The following PLCB1 variants were observed in gnomAD, a reference collection of about 807,000 sequenced individuals.
PLCB1 encodes phospholipase C beta 1.
In PLCB1, 46 loss-of-function variants were observed where a neutral mutation model predicts 161.8. The ratio of observed to expected loss-of-function variants is 0.28; its 90% CI spans 0.22 to 0.36. The LOEUF (loss-of-function observed/expected upper bound fraction) is 0.36, where lower values mean the gene tolerates loss of function less well. Ranked by LOEUF, PLCB1 falls within the 10% of genes least tolerant of loss-of-function variation. The probability of loss-of-function intolerance (pLI) is 1.00; values close to 1 mark genes in which losing one functional copy is unlikely to be tolerated. For missense variants in PLCB1, 1,016 were observed against 1,472.5 expected (o/e 0.69, Z 5.07); for synonymous variants, 517 against 503.7 (o/e 1.03, Z -0.35).
chr20:8,218,166 G>T (rs559078159), intron 2 of PLCB1, among the ~76,000 whole-genome samples: 2 of 152,256 alleles, frequency 1.3e-5, no homozygotes, highest in South Asian at 4.1e-4. Context: ...GGCATGTGCA[G>T]TGAACAAGGC....
At chr20:8,651,368 A>T in intron 7 of PLCB1, 1 of 695,192 alleles carries the variant, frequency 1.4e-6, no homozygotes, top group African/African-American at 1.8e-5. Flanking sequence ...GTGGGTCACA[A>T]GAAAGAAATA....
chr20:8,455,049 T>C (rs1443175405), intron 3 of PLCB1, among the ~76,000 whole-genome samples: 1 of 146,840 alleles, frequency 6.8e-6, no homozygotes, highest in African/African-American at 2.7e-5. Flanking sequence ...TGAGTACTAG[T>C]TGGCCGGGCA....
At chr20:8,736,185 T>TAC (rs1980571980) in intron 19 of PLCB1, among the ~76,000 whole-genome samples, 1 of 152,252 alleles carries the variant, frequency 6.6e-6, no homozygotes. Context: ...CTTCCTGGTA[T>TAC]ACAGCAGAAG....
intron 3 of PLCB1, among the ~76,000 whole-genome samples, chr20:8,511,888 T>C (rs1475424488): frequency 6.6e-6 from 1 of 152,232 alleles, no homozygotes; most frequent in East Asian, 1.9e-4. Context: ...TGTTTTCTGC[T>C]ATAAGATTGT....
At chr20:8,219,568 T>C (rs1045335828) in intron 2 of PLCB1, among the ~76,000 whole-genome samples, 1 of 152,152 alleles carries the variant, frequency 6.6e-6, no homozygotes, top group South Asian at 2.1e-4. Context: ...AAGCTCTAGT[T>C]TGTTGATGTA....
chr20:8,298,113 A>C (rs541581573), intron 2 of PLCB1, among the ~76,000 whole-genome samples: 2 of 151,976 alleles, frequency 1.3e-5, no homozygotes, highest in African/African-American at 4.8e-5. Flanking sequence ...TGAACAACAT[A>C]GTGAGACCCT....
chr20:8,792,726 G>T, intron 31 of PLCB1: 1 of 438,624 alleles, frequency 2.3e-6, no homozygotes, highest in Non-Finnish European at 4.6e-6. Context: ...TTTTCTTCAT[G>T]GCTTAAAAAC....
intron 3 of PLCB1, among the ~76,000 whole-genome samples, chr20:8,611,494 G>T (rs1054737966): frequency 1.3e-5 from 2 of 152,096 alleles, no homozygotes; most frequent in Non-Finnish European, 2.9e-5. Context: ...TAAAATGTAA[G>T]AAGCCTGTAT....
At chr20:8,822,015 G>A (rs76277729) in intron 31 of PLCB1, among the ~76,000 whole-genome samples, 8,915 of 151,702 alleles carry the variant, frequency 0.059, 741 homozygotes, top group African/African-American at 0.19. Context: ...AAATGGCAGA[G>A]TAGTTTCTAT....
chr20:8,807,063 G>A (rs1215475560), intron 31 of PLCB1, among the ~76,000 whole-genome samples: 1 of 152,176 alleles, frequency 6.6e-6, no homozygotes, highest in Non-Finnish European at 1.5e-5. Flanking sequence ...ATCTTTAAAT[G>A]CGGAGACAAA....
intron 3 of PLCB1, among the ~76,000 whole-genome samples, chr20:8,459,837 C>T (rs1981494678): frequency 6.6e-6 from 1 of 152,140 alleles, no homozygotes; most frequent in Non-Finnish European, 1.5e-5. Context: ...GAGTGATAAA[C>T]CAGAGTATAT....
chr20:8,587,112 A>T (rs1987014190), intron 3 of PLCB1, among the ~76,000 whole-genome samples: 1 of 152,026 alleles, frequency 6.6e-6, no homozygotes, highest in African/African-American at 2.4e-5. Flanking sequence ...ATTGTGCCAA[A>T]ATTGTAAGGG....
intron 3 of PLCB1, among the ~76,000 whole-genome samples, chr20:8,393,305 G>A (rs890491165): frequency 3.3e-5 from 5 of 151,966 alleles, no homozygotes; most frequent in Non-Finnish European, 5.9e-5. Flanking sequence ...TTTTCCTCAG[G>A]TATATAGAAT....
intron 2 of PLCB1, among the ~76,000 whole-genome samples, chr20:8,186,422 A>T (rs2051906957): frequency 6.6e-6 from 1 of 152,168 alleles, no homozygotes; most frequent in African/African-American, 2.4e-5. Context: ...TATATTGTTT[A>T]GGTTATGAAT....
At chr20:8,662,740 C>T (rs975223545) in intron 9 of PLCB1, among the ~76,000 whole-genome samples, 3 of 151,486 alleles carry the variant, frequency 2.0e-5, no homozygotes, top group African/African-American at 7.3e-5. Flanking sequence ...GCAGAAGATG[C>T]TTAGCAAAGG....
chr20:8,765,358 A>G lies in PLCB1; in HGVS notation c.2930A>G (p.Lys977Arg), dbSNP rs757601519. 7.5e-6 allele frequency: 12 copies of G among 1,600,842 alleles called. No homozygotes were observed. The African/African-American group carries it at 1.5e-4, about 20-fold the overall frequency. ...TCCGCCAAAAAGGACAGTAAGAAAAAGTAAGTTCAATGAATATTTTTAGTT... is the reference window on the plus strand; with the variant it reads ...TCCGCCAAAAAGGACAGTAAGAAAAGGTAAGTTCAATGAATATTTTTAGTT... ...EKSAKKDSKK[K>R]SEPSSPDHGS... Residue 977 changes from lysine (K) to arginine (R), a missense_variant and splice_region_variant, in exon 26 of 32, where the codon AAA becomes AGA. Physicochemically the swap from Lys to Arg is conservative, Grantham distance 26. Transcript: ENST00000338037.
chr20:8,717,765 G>A lies in PLCB1; in HGVS notation c.1430G>A (p.Ser477Asn), dbSNP rs1979402608. 2 of 1,613,868 alleles carry A rather than the reference G, an allele frequency of 1.2e-6. No homozygotes were observed. The highest frequency in any genetic ancestry group is 1.7e-6 in the Non-Finnish European group (2 of 1,179,912). ...KKKSHKSSEG[S>N]GKKKLSEQAS... ...AAATCACACAAGTCATCAGAAGGAA[G>A]CGGCAAAAAGAAGCTCTCAGAACAA... Residue 477 changes from serine (S) to asparagine (N), a missense_variant, in exon 14 of 32, where the codon AGC (serine) becomes AAC (asparagine). Physicochemically the swap from Ser to Asn is conservative, Grantham distance 46. This residue lies in a region of PLCB1 where 109 missense variants were observed against 129.7 expected (regional missense o/e 0.84). Transcript: ENST00000338037.
chr20:8,746,393 GATA>G (rs1226200017), intron 23 of PLCB1, among the ~76,000 whole-genome samples: 10 of 152,080 alleles, frequency 6.6e-5, no homozygotes, highest in African/African-American at 2.2e-4. Context: ...AATATTATGT[GATA>G]ATGTCATAAA....
At chr20:8,569,373 A>T (rs1472460767) in intron 3 of PLCB1, among the ~76,000 whole-genome samples, 1 of 152,234 alleles carries the variant, frequency 6.6e-6, no homozygotes, top group African/African-American at 2.4e-5. Context: ...AGAAATTAAA[A>T]CAGGATTAAT....
Sources: allele counts gnomAD v4.1 joint callset (sites outside exome capture counted in the v4.1 genomes callset), GRCh38; gene constraint gnomAD v4.1.1; regional missense constraint gnomAD v4.1.1; transcripts MANE v1.5; gene names NCBI Gene and HGNC (gene_info 2026-07-23, HGNC 2026-07-21).